Variants in MMAB observed in about 807,000 individuals in gnomAD.
The protein encoded by MMAB is metabolism of cobalamin associated B.
Under a neutral mutation model 30.6 loss-of-function variants are expected in MMAB, and 17 were observed. That is an observed-to-expected ratio of 0.56 (90% confidence interval 0.38 to 0.83). The LOEUF (loss-of-function observed/expected upper bound fraction) is 0.83. MMAB is among the 40% of genes least tolerant of loss of function. The pLI is 0.00. For synonymous variants in MMAB, 134 were observed against 138.6 expected, an observed-to-expected ratio of 0.97 and a Z score of 0.23; for missense variants, 311 against 331.6, an observed-to-expected ratio of 0.94 and a Z score of 0.48.
Position 109,565,191 on chromosome 12 carries a change from G to A in MMAB, c.291-15C>T. ...CCAGAGCAAACCTATGAAGAAAAAGGAAAAAGAATTTGCCTGTAATGTAAT... is the reference window on the plus strand; with the variant it reads ...CCAGAGCAAACCTATGAAGAAAAAGAAAAAAGAATTTGCCTGTAATGTAAT... On this transcript the variant is annotated splice_polypyrimidine_tract_variant and intron_variant, in intron 3 of 8. Coordinates refer to ENST00000545712, the MANE Select transcript of MMAB (RefSeq NM_052845.4). 6.2e-7 allele frequency: 1 copy of A among 1,611,158 alleles called. No homozygotes were observed. The highest frequency in any genetic ancestry group is 8.5e-7 in the Non-Finnish European group (1 of 1,177,596).
chr12:109,555,938 T>C lies in MMAB; in HGVS notation c.*1090A>G. 2.2e-6 allele frequency: 1 copy of C among 454,050 alleles called. No individual in the cohort carries two copies. Among genetic ancestry groups the C allele is most frequent in the South Asian group, 1.6e-5 (1 of 64,474 alleles). 28.1% of individuals were successfully genotyped at this position (454,050 alleles called of 1,614,324 possible). A position where few individuals can be genotyped will look rare whatever the true frequency, so the allele number is the denominator to read the frequency against. On this transcript the variant is annotated 3_prime_UTR_variant, in exon 9 of 9. Transcript: ENST00000545712. ...CCATGCTAAGCAGCCACTCAGTCAATATGTGATGGCTGAATGGAGTTCGCC... is the reference window on the plus strand; with the variant it reads ...CCATGCTAAGCAGCCACTCAGTCAACATGTGATGGCTGAATGGAGTTCGCC...
At chr12:109,571,517 G>T in intron 2 of MMAB, 132 bp downstream of exon 2, 1 of 799,844 alleles carries the variant, frequency 1.3e-6, no homozygotes, top group Non-Finnish European at 2.1e-6. Context: ...CTCCCAAAGT[G>T]CCGGGATTAC....
chr12:109,562,887 C>T (rs1884264134), intron 4 of MMAB, among the ~76,000 whole-genome samples: 1 of 152,176 alleles, frequency 6.6e-6, no homozygotes, highest in South Asian at 2.1e-4. Context: ...AAATGTCCAA[C>T]AGCTCTCATG....
chr12:109,565,102 G>A lies in MMAB; in HGVS notation c.348+17C>T, dbSNP rs202141416. 185 of 1,608,682 alleles carry A rather than the reference G, an allele frequency of 1.2e-4. No homozygotes were observed. Among genetic ancestry groups the A allele is most frequent in the Non-Finnish European group, 1.5e-4 (178 of 1,175,152 alleles). ...GGGGCTGAAGATTCCCAGCTTGGGTGAGATGGTGTTACTCACTTTCTGAAG... is the reference window on the plus strand; with the variant it reads ...GGGGCTGAAGATTCCCAGCTTGGGTAAGATGGTGTTACTCACTTTCTGAAG... On this transcript the variant is annotated intron_variant, in intron 4 of 8. Transcript: ENST00000545712.
In MMAB at chr12:109,555,295, T is replaced by TTTTTTG; in HGVS notation, c.*1727_*1732dup. 1 of 405,888 alleles carries TTTTTTG rather than the reference T, an allele frequency of 2.5e-6. No homozygotes were observed. The highest frequency in any genetic ancestry group is 4.8e-6 in the Non-Finnish European group (1 of 208,604). 25.1% of individuals were successfully genotyped at this position (405,888 alleles called of 1,614,324 possible). A position where few individuals can be genotyped will look rare whatever the true frequency, so the allele number is the denominator to read the frequency against. ...TCAGGGTTTTTTTTTTTTTTTTTTTTTTTTTGTGACGGAGTCTCACTCTAT... is the reference window on the plus strand; with the variant it reads ...TCAGGGTTTTTTTTTTTTTTTTTTTTTTTTTGTTTTTGTGACGGAGTCTCACTCTAT... On this transcript the variant is annotated 3_prime_UTR_variant, in exon 9 of 9. Coordinates refer to ENST00000545712, the MANE Select transcript of MMAB (RefSeq NM_052845.4).
At position 109,561,050 on chromosome 12, in the gene MMAB, C is replaced by T; in HGVS notation, c.574G>A (p.Ala192Thr). 1 of 1,610,246 alleles carries T rather than the reference C, an allele frequency of 6.2e-7. No individual in the cohort carries two copies. The highest frequency in any genetic ancestry group is 1.7e-5 in the Admixed American group (1 of 59,986). The change falls in exon 7 of 9, where the codon GCC becomes ACC. Residue 192 changes from alanine to threonine, a missense_variant. By Grantham distance (58) the Ala-to-Thr change is moderately conservative. Transcript: ENST00000545712. The surrounding 1 kb of genome is among the most constrained non-coding windows in gnomAD (Gnocchi z 5.3). Reference sequence around the variant, plus strand: ...CTCCAGCCCTCTTACCGTCTCTCGGCCCGGCGGCACACGGCCCGGCAGAAA... The same window carrying T: ...CTCCAGCCCTCTTACCGTCTCTCGGTCCGGCGGCACACGGCCCGGCAGAAA... ...LHFCRAVCRR[A>T]ERRVVPLVQM...
In MMAB at chr12:109,556,305, C is replaced by T. The variant is rs1423482989; in HGVS notation, c.*723G>A. 8 of 453,660 alleles carry T rather than the reference C, an allele frequency of 1.8e-5. No individual in the cohort carries two copies. The highest frequency in any genetic ancestry group is 3.5e-5 in the Non-Finnish European group (8 of 226,542). 28.1% of individuals were successfully genotyped at this position (453,660 alleles called of 1,614,324 possible). A position where few individuals can be genotyped will look rare whatever the true frequency, so the allele number is the denominator to read the frequency against. On this transcript the variant is annotated 3_prime_UTR_variant, in exon 9 of 9. Coordinates refer to ENST00000545712, the MANE Select transcript of MMAB (RefSeq NM_052845.4). ...ACCGCAGACCCTTGACTCAGTCCAACCAGACAGGGAATGTTCACCTTCAAG... is the reference window on the plus strand; with the variant it reads ...ACCGCAGACCCTTGACTCAGTCCAATCAGACAGGGAATGTTCACCTTCAAG...
chr12:109,553,784 A>G lies in MMAB; in HGVS notation c.*3244T>C, dbSNP rs747985095. On this transcript the variant is annotated 3_prime_UTR_variant, in exon 9 of 9. Transcript: ENST00000545712. ...TCAATTAAACTTGAAATGCATCTGGATTCTTAAAGGTTCAGTAGTGATCAC... is the reference window on the plus strand; with the variant it reads ...TCAATTAAACTTGAAATGCATCTGGGTTCTTAAAGGTTCAGTAGTGATCAC... 2.3e-6 allele frequency: 1 copy of G among 434,526 alleles called. No homozygotes were observed. The highest frequency in any genetic ancestry group is 1.6e-5 in the South Asian group (1 of 62,666). The allele number at this position is 434,526 out of a possible 1,614,324, so 26.9% of individuals were successfully genotyped here. A position where few individuals can be genotyped will look rare whatever the true frequency, so the allele number is the denominator to read the frequency against.
intron 1 of MMAB, among the ~76,000 whole-genome samples, chr12:109,572,270 G>A (rs942558593): frequency 6.6e-6 from 1 of 151,516 alleles, no homozygotes; most frequent in Non-Finnish European, 1.5e-5. Context: ...TTTGAGATGG[G>A]GTCTCACTCT....
At position 109,559,081 on chromosome 12, in the gene MMAB, G is replaced by A; in HGVS notation, c.644+15C>T. Reference sequence around the variant, plus strand: ...TCGGCTTTCAGAGAGGAACCCCCAGGTTCCACGCGAGTACCTGTTTAAGAA... The same window carrying A: ...TCGGCTTTCAGAGAGGAACCCCCAGATTCCACGCGAGTACCTGTTTAAGAA... On this transcript the variant is annotated intron_variant, in intron 8 of 8. Transcript: ENST00000545712. 4 of 1,609,916 alleles carry A rather than the reference G, an allele frequency of 2.5e-6. No homozygotes were observed. The highest frequency in any genetic ancestry group is 3.4e-6 in the Non-Finnish European group (4 of 1,176,408).
chr12:109,568,541 T>A, intron 3 of MMAB: 1 of 606,940 alleles, frequency 1.6e-6, no homozygotes, highest in South Asian at 1.9e-5. Context: ...CAGCTTCACA[T>A]GGCATGGGCC....
intron 3 of MMAB, 110 bp downstream of exon 3, chr12:109,568,660 G>T: frequency 1.1e-6 from 1 of 886,554 alleles, no homozygotes; most frequent in Non-Finnish European, 1.9e-6. Flanking sequence ...GTTCAATAAG[G>T]GCTGACAACC....
Position 109,561,263 on chromosome 12 carries a change from G to A in MMAB, c.519+157C>T, listed in dbSNP as rs2287180. 0.17 allele frequency: 272,834 copies of A among 1,583,266 alleles called. 23,975 individuals carry two copies. Among genetic ancestry groups the A allele is most frequent in the Middle Eastern group, 0.19 (1,156 of 6,052 alleles). On this transcript the variant is annotated intron_variant, in intron 6 of 8. Transcript: ENST00000545712. The surrounding 1 kb of genome is among the most constrained non-coding windows in gnomAD (Gnocchi z 5.3). Reference sequence around the variant, plus strand: ...CCCACCGGGCACGCTGCTCCAGAGTGGGCAGGGCTGGGAGGGACCGGTGAG... The same window carrying A: ...CCCACCGGGCACGCTGCTCCAGAGTAGGCAGGGCTGGGAGGGACCGGTGAG...
rs1566127290 is a variant in MMAB at position 109,554,042 on chromosome 12, G to A, written c.*2986C>T. On this transcript the variant is annotated 3_prime_UTR_variant, in exon 9 of 9. Coordinates refer to ENST00000545712, the MANE Select transcript of MMAB (RefSeq NM_052845.4). Reference sequence around the variant, plus strand: ...GAGACAGCAGGATCTATCAGAGCCTGGCATTGTTCGCCACAGCCCAGGTAG... The same window carrying A: ...GAGACAGCAGGATCTATCAGAGCCTAGCATTGTTCGCCACAGCCCAGGTAG... The A allele has an allele frequency of 8.8e-6, 4 of 454,008 alleles. No individual in the cohort carries two copies. Among genetic ancestry groups the A allele is most frequent in the Non-Finnish European group, 1.8e-5 (4 of 226,800 alleles). The allele number at this position is 454,008 out of a possible 1,614,324, so 28.1% of individuals were successfully genotyped here. A position where few individuals can be genotyped will look rare whatever the true frequency, so the allele number is the denominator to read the frequency against.
At position 109,559,057 on chromosome 12, in the gene MMAB, C is replaced by T. The variant is rs183769326; in HGVS notation, c.644+39G>A. 23 of 1,557,180 alleles carry T rather than the reference C, an allele frequency of 1.5e-5. No homozygotes were observed. The East Asian group carries it at 1.6e-4, about 11-fold the overall frequency. The stretch of plus-strand genomic sequence containing the variant: ...GCTGCTACTTCCCACAGATGAGCCT[C>T]GGCTTTCAGAGAGGAACCCCCAGGT... On this transcript the variant is annotated intron_variant, in intron 8 of 8. Transcript: ENST00000545712.
In MMAB at chr12:109,553,826, T is replaced by C. The variant is rs1436308489; in HGVS notation, c.*3202A>G. 2.2e-6 allele frequency: 1 copy of C among 453,452 alleles called. No individual in the cohort carries two copies. The highest frequency in any genetic ancestry group is 2.3e-5 in the Admixed American group (1 of 42,576). The allele number at this position is 453,452 out of a possible 1,614,324, so 28.1% of individuals were successfully genotyped here. A position where few individuals can be genotyped will look rare whatever the true frequency, so the allele number is the denominator to read the frequency against. On this transcript the variant is annotated 3_prime_UTR_variant, in exon 9 of 9. Coordinates refer to ENST00000545712, the MANE Select transcript of MMAB (RefSeq NM_052845.4). ...AGTGATCACTGGGACAGGGCGATCA[T>C]AAAACTGAATGGGCTGTCGGAAGGT...
In MMAB at chr12:109,557,066, T is replaced by C. The variant is rs1422285746; in HGVS notation, c.715A>G (p.Met239Val). The C allele has an allele frequency of 3.1e-6, 5 of 1,613,682 alleles. No individual in the cohort carries two copies. The highest frequency in any genetic ancestry group is 4.2e-6 in the Non-Finnish European group (5 of 1,179,648). ...GACTCGGCCGATGGGTCATTTTTCATGTATATTTTCTCTTGATTCCCCTCC... is the reference window on the plus strand; with the variant it reads ...GACTCGGCCGATGGGTCATTTTTCACGTATATTTTCTCTTGATTCCCCTCC... ...MKEGNQEKIY[M>V]KNDPSAESEG... Residue 239 changes from methionine to valine, a missense_variant, in exon 9 of 9, where the codon ATG (methionine) becomes GTG (valine). Physicochemically the swap from Met to Val is conservative, Grantham distance 21 (BLOSUM62 1). Transcript: ENST00000545712.
chr12:109,556,640 G>GCT lies in MMAB; in HGVS notation c.*386_*387dup, dbSNP rs370296168. ...AACAACCTGAGCTGGCAGTGGGAGG[G>GCT]CTCTCTCTCACACACACACACACAC... On this transcript the variant is annotated 3_prime_UTR_variant, in exon 9 of 9. Coordinates refer to ENST00000545712, the MANE Select transcript of MMAB (RefSeq NM_052845.4). The GCT allele has an allele frequency of 5.6e-3, 2,461 of 440,210 alleles. 38 individuals carry two copies. Among genetic ancestry groups the GCT allele is most frequent in the African/African-American group, 0.041 (1,853 of 44,986 alleles). 27.3% of individuals were successfully genotyped at this position (440,210 alleles called of 1,614,324 possible).
intron 3 of MMAB, chr12:109,567,160 A>C (rs1593003135): frequency 2.6e-6 from 1 of 388,790 alleles, no homozygotes; most frequent in Non-Finnish European, 5.1e-6. Flanking sequence ...ACAAGCGCGA[A>C]ACTCCGTCTC....
Sources: allele counts gnomAD v4.1 joint callset (sites outside exome capture counted in the v4.1 genomes callset), GRCh38; gene constraint gnomAD v4.1.1; non-coding constraint Gnocchi (gnomAD v3.1); transcripts MANE v1.5; gene names NCBI Gene and HGNC (gene_info 2026-07-23, HGNC 2026-07-21).